SLC35F3: variants seen among roughly 807,000 people sequenced by gnomAD.
SLC35F3 encodes the protein solute carrier family 35 member F3.
SLC35F3 carries 25 observed loss-of-function variants against 49.9 expected under a neutral mutation model. The observed-to-expected ratio is 0.50, with a 90% confidence interval of 0.37 to 0.70. The LOEUF (loss-of-function observed/expected upper bound fraction) is 0.70. SLC35F3 is among the 30% of genes least tolerant of loss of function. The probability of loss-of-function intolerance (pLI) is 0.00; values close to 1 mark genes in which losing one functional copy is unlikely to be tolerated. For synonymous variants in SLC35F3, 275 were observed against 265.4 expected, an observed-to-expected ratio of 1.04 and a Z score of -0.35; for missense variants, 525 against 639.8, an observed-to-expected ratio of 0.82 and a Z score of 1.94.
chr1:234,306,835 G>C (rs1319156107), intron 3 of SLC35F3, among the ~76,000 whole-genome samples: 1 of 152,190 alleles, frequency 6.6e-6, no homozygotes, highest in Non-Finnish European at 1.5e-5. Context: ...GAAGTAGGTT[G>C]CCCAGTTAGC....
chr1:234,018,285 T>C lies in SLC35F3; in HGVS notation c.283+112527T>C, dbSNP rs569541889. 2.0e-5 allele frequency among the ~76,000 whole-genome samples: 3 copies of C among 152,306 alleles called. No homozygotes were observed. In the East Asian group the frequency reaches 5.8e-4, roughly 29 times the overall value. On this transcript the variant is annotated intron_variant, in intron 2 of 7. Transcript: ENST00000366618. ...ATTTCTGGAAAATGGTCAGTTCTTA[T>C]TATTCTCATTACTTTATGCCCTAGA...
chr1:234,113,331 G>A (rs1369312249), intron 2 of SLC35F3, among the ~76,000 whole-genome samples: 1 of 152,090 alleles, frequency 6.6e-6, no homozygotes, highest in Non-Finnish European at 1.5e-5. Context: ...TTTTTTGTTT[G>A]CATTCCAGGA....
intron 4 of SLC35F3, among the ~76,000 whole-genome samples, chr1:234,314,187 G>A (rs952285108): frequency 6.6e-6 from 1 of 152,190 alleles, no homozygotes; most frequent in Non-Finnish European, 1.5e-5. Flanking sequence ...TGAACTGATG[G>A]GGTGGCACAG....
At chr1:234,289,724 A>C (rs1383207411) in intron 3 of SLC35F3, among the ~76,000 whole-genome samples, 2 of 152,252 alleles carry the variant, frequency 1.3e-5, no homozygotes. Context: ...AAACACATAC[A>C]GTCCCGGCAG....
chr1:233,922,604 T>A (rs1662083370), intron 2 of SLC35F3, among the ~76,000 whole-genome samples: 1 of 152,010 alleles, frequency 6.6e-6, no homozygotes, highest in Non-Finnish European at 1.5e-5. Context: ...GGTTGCCTGT[T>A]CACTCTGATG....
At chr1:234,305,153 A>T (rs1657123868) in intron 3 of SLC35F3, among the ~76,000 whole-genome samples, 1 of 152,222 alleles carries the variant, frequency 6.6e-6, no homozygotes, top group African/African-American at 2.4e-5. Flanking sequence ...AGCCATCCTC[A>T]TCCCTAAATG....
chr1:233,999,756 C>G (rs1035636436), intron 2 of SLC35F3, among the ~76,000 whole-genome samples: 3 of 152,114 alleles, frequency 2.0e-5, no homozygotes, highest in Admixed American at 6.5e-5. Flanking sequence ...TCTGTTTGTG[C>G]TACCTTACAG....
At chr1:234,136,259 TG>T (rs369567310) in intron 2 of SLC35F3, among the ~76,000 whole-genome samples, 1 of 112,412 alleles carries the variant, frequency 8.9e-6, no homozygotes, top group East Asian at 1.1e-3. Flanking sequence ...TTTCTTTTTC[TG>T]TCTTTCTTTC....
At chr1:234,086,398 T>C (rs1331039575) in intron 2 of SLC35F3, among the ~76,000 whole-genome samples, 2 of 152,178 alleles carry the variant, frequency 1.3e-5, no homozygotes, top group Non-Finnish European at 2.9e-5. Flanking sequence ...AACTGGGAGT[T>C]ATTATTGGGT....
At chr1:233,965,561 G>T (rs1558191600) in intron 2 of SLC35F3, among the ~76,000 whole-genome samples, 1 of 152,180 alleles carries the variant, frequency 6.6e-6, no homozygotes, top group Non-Finnish European at 1.5e-5. Flanking sequence ...TGTGGCATGG[G>T]TTAACAGGCA....
At chr1:234,306,468 A>G (rs1657187376) in intron 3 of SLC35F3, 2 of 153,334 alleles carry the variant, frequency 1.3e-5, no homozygotes, top group African/African-American at 4.8e-5. Flanking sequence ...ATATTATGCT[A>G]TTTTAAGACC....
At chr1:233,908,352 C>T (rs1396656021) in intron 2 of SLC35F3, among the ~76,000 whole-genome samples, 1 of 152,108 alleles carries the variant, frequency 6.6e-6, no homozygotes, top group Non-Finnish European at 1.5e-5. Flanking sequence ...GCCCTTGTAG[C>T]AGAAGAAACC....
rs75921601 is a variant in SLC35F3 at position 234,014,204 on chromosome 1, G to A, written c.283+108446G>A. 6.1e-3 allele frequency among the ~76,000 whole-genome samples: 933 copies of A among 152,254 alleles called. 6 individuals carry two copies. Among genetic ancestry groups the A allele is most frequent in the African/African-American group, 0.021 (879 of 41,546 alleles). On this transcript the variant is annotated intron_variant, in intron 2 of 7. Transcript: ENST00000366618. ...TCCACATACACAAATCCATAAATGT[G>A]ATGCACCACAGTGACAGAATGAAGG...
At chr1:234,190,987 G>A (rs1666722366) in intron 2 of SLC35F3, among the ~76,000 whole-genome samples, 1 of 152,228 alleles carries the variant, frequency 6.6e-6, no homozygotes, top group Non-Finnish European at 1.5e-5. Context: ...CTTCTAGTGA[G>A]CAAAGGCAGC....
intron 2 of SLC35F3, among the ~76,000 whole-genome samples, chr1:234,206,374 A>G (rs184504152): frequency 6.6e-6 from 1 of 151,156 alleles, no homozygotes; most frequent in African/African-American, 2.4e-5. Context: ...CAGTGTGAGG[A>G]GCAGGGTGCC....
At chr1:234,143,055 C>T (rs934445003) in intron 2 of SLC35F3, among the ~76,000 whole-genome samples, 2 of 152,110 alleles carry the variant, frequency 1.3e-5, no homozygotes, top group African/African-American at 4.8e-5. Flanking sequence ...ATGGTCAGAG[C>T]ACCTAAAATC....
intron 2 of SLC35F3, among the ~76,000 whole-genome samples, chr1:233,988,833 A>T (rs1296093655): frequency 6.6e-6 from 1 of 152,182 alleles, no homozygotes; most frequent in Non-Finnish European, 1.5e-5. Context: ...GTTTCTCCTT[A>T]AGTTTCAAAA....
chr1:234,226,961 G>GCGCGCGCA (rs141422884), intron 2 of SLC35F3, among the ~76,000 whole-genome samples: 2 of 148,742 alleles, frequency 1.3e-5, no homozygotes, highest in Admixed American at 1.3e-4. Flanking sequence ...GCGCACGCGT[G>GCGCGCGCA]CACACACACA....
chr1:234,212,848 G>A (rs1318721580), intron 2 of SLC35F3: 2 of 152,122 alleles, frequency 1.3e-5, no homozygotes, highest in East Asian at 1.9e-4. Context: ...GAAGGAAGTG[G>A]CTTATTGGCT....
Sources: gnomAD v4.1 joint callset for allele counts (sites outside exome capture counted in the v4.1 genomes callset) on GRCh38, gnomAD v4.1.1 for gene constraint, MANE v1.5 for transcripts, NCBI Gene and HGNC (gene_info 2026-07-23, HGNC 2026-07-21) for gene names.